ADAM19: variants seen among roughly 807,000 people sequenced by gnomAD.
The protein encoded by ADAM19 is ADAM metallopeptidase domain 19, also known as disintegrin and metalloproteinase domain-containing protein 19.
In ADAM19, 65 loss-of-function variants were observed where a neutral mutation model predicts 114.7. That is an observed-to-expected ratio of 0.57 (90% CI 0.46 to 0.70). The LOEUF is 0.70. Among genes scored for constraint, ADAM19 ranks in the 30% least tolerant of loss-of-function variants. ADAM19 has a pLI of 0.00. For missense variants in ADAM19, 1,063 were observed against 1,204.7 expected (o/e 0.88, Z 1.74); for synonymous variants, 466 against 460.5 (o/e 1.01, Z -0.15).
rs916360951 is a variant in ADAM19 at position 157,555,718 on chromosome 5, G to C, written c.251+8655C>G. Among the ~76,000 whole-genome samples the C allele has an allele frequency of 5.3e-5, 8 of 152,136 alleles. No homozygotes were observed. The East Asian group carries it at 9.6e-4, about 18-fold the overall frequency. ...GTGTGTAATAAATTGTCACAAAATT[G>C]GTGGCTTCAAACAACAGAAAGTTGT... On this transcript the variant is annotated intron_variant, in intron 3 of 22. Coordinates refer to ENST00000257527, the MANE Select transcript of ADAM19 (RefSeq NM_033274.5).
intron 3 of ADAM19, among the ~76,000 whole-genome samples, chr5:157,548,690 AAAC>A (rs1757110538): frequency 6.6e-6 from 1 of 152,168 alleles, no homozygotes; most frequent in Non-Finnish European, 1.5e-5. Flanking sequence ...TCAAAATCAA[AAAC>A]ATCTCCTGGG....
At chr5:157,514,305 T>C (rs565377508) in intron 7 of ADAM19, among the ~76,000 whole-genome samples, 126 of 151,142 alleles carry the variant, frequency 8.3e-4, no homozygotes, top group Middle Eastern at 3.4e-3. Context: ...ATTATGAGAC[T>C]GCATCGATTC....
chr5:157,556,462 AC>A (rs767304055), intron 3 of ADAM19, among the ~76,000 whole-genome samples: 4 of 151,888 alleles, frequency 2.6e-5, no homozygotes, highest in Non-Finnish European at 5.9e-5. Context: ...CAGGTGATTC[AC>A]CTGCCTTGGC....
At chr5:157,533,929 C>T (rs1756692259) in intron 4 of ADAM19, among the ~76,000 whole-genome samples, 1 of 152,044 alleles carries the variant, frequency 6.6e-6, no homozygotes, top group Non-Finnish European at 1.5e-5. Context: ...GATGGCACCA[C>T]TGCACTCCAG....
chr5:157,495,281 G>C (rs971791695), intron 14 of ADAM19, among the ~76,000 whole-genome samples: 1 of 152,070 alleles, frequency 6.6e-6, no homozygotes, highest in Non-Finnish European at 1.5e-5. Context: ...GATTACAGGC[G>C]TGAGCCACCA....
intron 10 of ADAM19, among the ~76,000 whole-genome samples, chr5:157,506,098 A>C (rs1249057699): frequency 1.3e-5 from 2 of 152,230 alleles, no homozygotes; most frequent in Non-Finnish European, 2.9e-5. Flanking sequence ...TAAAAGAGGA[A>C]GATTTTTCCC....
intron 3 of ADAM19, among the ~76,000 whole-genome samples, chr5:157,562,361 G>A (rs546065942): frequency 2.0e-5 from 3 of 152,188 alleles, no homozygotes; most frequent in Non-Finnish European, 4.4e-5. Flanking sequence ...AATGGGAAAC[G>A]AGAGCTGCTC....
At chr5:157,485,003 T>C (rs1754888589) in intron 21 of ADAM19, among the ~76,000 whole-genome samples, 2 of 152,226 alleles carry the variant, frequency 1.3e-5, no homozygotes, top group Non-Finnish European at 2.9e-5. Context: ...GTTTTCCTTT[T>C]TCTAGAGCAG....
At position 157,480,669 on chromosome 5, in the gene ADAM19, G is replaced by A; in HGVS notation, c.*280C>T. On this transcript the variant is annotated 3_prime_UTR_variant, in exon 23 of 23. Transcript: ENST00000257527. ...ACCTCGGGGCTAGGAGTCTGGAGGA[G>A]AAGCTGCCAGTCACCCTCCTCATAC... The A allele has an allele frequency of 8.0e-7, 1 of 1,244,458 alleles. No homozygotes were observed. The allele number at this position is 1,244,458 out of a possible 1,614,324, so 77.1% of individuals were successfully genotyped here.
At chr5:157,530,446 C>T (rs1448424125) in intron 5 of ADAM19, among the ~76,000 whole-genome samples, 1 of 152,248 alleles carries the variant, frequency 6.6e-6, no homozygotes, top group East Asian at 1.9e-4. Context: ...TGCCCGCTGA[C>T]CAACCCCAGT....
chr5:157,519,469 G>C (rs1361689964), intron 6 of ADAM19, among the ~76,000 whole-genome samples: 3 of 152,160 alleles, frequency 2.0e-5, no homozygotes, highest in African/African-American at 7.2e-5. Flanking sequence ...ACTTTTAGTA[G>C]AGATGGGGTT....
chr5:157,507,211 A>C, intron 9 of ADAM19, 71 bp from the exon 10 acceptor site: 2 of 1,488,978 alleles, frequency 1.3e-6, no homozygotes, highest in Non-Finnish European at 1.9e-6. Flanking sequence ...CCTGGGAGTA[A>C]GTGGCCATCA....
At chr5:157,506,964 A>C (rs1390193279) in intron 10 of ADAM19, 92 bp downstream of exon 10, 1 of 1,141,594 alleles carries the variant, frequency 8.8e-7, no homozygotes. Context: ...TGCTACAATA[A>C]TAAATATCAA....
In ADAM19 at chr5:157,477,494, C is replaced by T; in HGVS notation, c.*3455G>A. 9.2e-7 allele frequency: 1 copy of T among 1,086,866 alleles called. No individual in the cohort carries two copies. Among genetic ancestry groups the T allele is most frequent in the Non-Finnish European group, 1.1e-6 (1 of 884,394 alleles). 67.3% of individuals were successfully genotyped at this position (1,086,866 alleles called of 1,614,324 possible). A position where few individuals can be genotyped will look rare whatever the true frequency, so the allele number is the denominator to read the frequency against. On this transcript the variant is annotated 3_prime_UTR_variant, in exon 23 of 23. Coordinates refer to ENST00000257527, the MANE Select transcript of ADAM19 (RefSeq NM_033274.5). ...AAAGAAAATTCACATTGCCCTGGAT[C>T]CCAGACACATACAAACGCACAGTGG... is the stretch of plus-strand genomic sequence containing the variant.
intron 3 of ADAM19, among the ~76,000 whole-genome samples, chr5:157,562,990 C>A (rs1757551559): frequency 6.6e-6 from 1 of 152,074 alleles, no homozygotes; most frequent in Non-Finnish European, 1.5e-5. Context: ...ACAGGGAACA[C>A]TTAGACTAGA....
chr5:157,490,363 T>A lies in ADAM19; in HGVS notation c.2187A>T (p.Lys729Asn). The change falls in exon 19 of 23, where the codon AAA becomes AAT. Residue 729 changes from lysine (K) to asparagine (N), a missense_variant. Transcript: ENST00000257527. ...GAGCTGAGGGCTTGAGTTGGCCTAG[T>A]TTGTTGTTCTGTCTGCAGCAGTAGT... is the stretch of plus-strand genomic sequence containing the variant. ...LMYYCCRQNN[K>N]LGQLKPSALP... 6.2e-7 allele frequency: 1 copy of A among 1,614,102 alleles called. No homozygotes were observed. Among genetic ancestry groups the A allele is most frequent in the Non-Finnish European group, 8.5e-7 (1 of 1,180,022 alleles).
intron 2 of ADAM19, chr5:157,570,406 T>C (rs11749965): frequency 0.35 from 54,105 of 152,764 alleles, 11,592 homozygotes; most frequent in African/African-American, 0.59. Context: ...AAAGCCTATG[T>C]GTTTTCCTGG....
In ADAM19 at chr5:157,480,291, C is replaced by T. The variant is rs909516529; in HGVS notation, c.*658G>A. 1 of 985,980 alleles carries T rather than the reference C, an allele frequency of 1.0e-6. No homozygotes were observed. Among genetic ancestry groups the T allele is most frequent in the Non-Finnish European group, 1.2e-6 (1 of 830,136 alleles). The allele number at this position is 985,980 out of a possible 1,614,324, so 61.1% of individuals were successfully genotyped here. On this transcript the variant is annotated 3_prime_UTR_variant, in exon 23 of 23. Coordinates refer to ENST00000257527, the MANE Select transcript of ADAM19 (RefSeq NM_033274.5). ...GGTGCTCCTCCTGCTGTCTACACTG[C>T]CTACGAATAGTACCTGTCTGAGTCA...
chr5:157,501,747 A>G (rs1274897929), intron 12 of ADAM19, among the ~76,000 whole-genome samples: 2 of 152,092 alleles, frequency 1.3e-5, no homozygotes, highest in Non-Finnish European at 2.9e-5. Context: ...AAAAAGAAAA[A>G]TCACATCACA....
Sources: gnomAD v4.1 joint callset for allele counts (sites outside exome capture counted in the v4.1 genomes callset) on GRCh38, gnomAD v4.1.1 for gene constraint, MANE v1.5 for transcripts, NCBI Gene and HGNC (gene_info 2026-07-23, HGNC 2026-07-21) for gene names.